The following DACH1 variants were observed in gnomAD, a reference collection of about 807,000 sequenced individuals.
DACH1 encodes the protein dachshund homolog 1.
A neutral mutation model predicts 54.2 loss-of-function variants in DACH1; 12 were observed. The observed-to-expected ratio is 0.22, with a 90% CI of 0.14 to 0.36. The LOEUF (loss-of-function observed/expected upper bound fraction) is 0.36, where lower values mean the gene tolerates loss of function less well. Among genes scored for constraint, DACH1 ranks in the 10% least tolerant of loss-of-function variants. DACH1 has a pLI of 1.00. For missense variants in DACH1, 805 were observed against 929.8 expected (o/e 0.87, Z 1.75); for synonymous variants, 386 against 366.2 (o/e 1.05, Z -0.62).
At chr13:71,864,184 C>T (rs796429026) in intron 1 of DACH1, among the ~76,000 whole-genome samples, 6 of 110,606 alleles carry the variant, frequency 5.4e-5, no homozygotes, top group African/African-American at 8.7e-5. Context: ...CGCACATACA[C>T]ACACACACAC....
intron 4 of DACH1, among the ~76,000 whole-genome samples, chr13:71,571,081 T>C (rs1885164090): frequency 6.6e-6 from 1 of 152,182 alleles, no homozygotes; most frequent in South Asian, 2.1e-4. Flanking sequence ...TAAAAGCTGC[T>C]CTTCTGTAAT....
chr13:71,666,444 A>AAAT (rs1403219559), intron 2 of DACH1, among the ~76,000 whole-genome samples: 1 of 152,202 alleles, frequency 6.6e-6, no homozygotes, highest in Non-Finnish European at 1.5e-5. Flanking sequence ...TGAGAATTAT[A>AAAT]AATTTGAATA....
At chr13:71,515,585 C>G (rs1190247568) in intron 6 of DACH1, among the ~76,000 whole-genome samples, 2 of 151,966 alleles carry the variant, frequency 1.3e-5, no homozygotes, top group East Asian at 3.9e-4. Context: ...CGGTGCAACC[C>G]TCCAACAATA....
chr13:71,442,736 A>C (rs1160706959), intron 10 of DACH1, among the ~76,000 whole-genome samples: 1 of 152,144 alleles, frequency 6.6e-6, no homozygotes, highest in Non-Finnish European at 1.5e-5. Flanking sequence ...TAATTTATAA[A>C]TTAGGCACAG....
intron 1 of DACH1, among the ~76,000 whole-genome samples, chr13:71,715,649 A>G (rs1433939562): frequency 6.6e-6 from 1 of 152,048 alleles, no homozygotes; most frequent in East Asian, 1.9e-4. Flanking sequence ...TCTATTGGTG[A>G]ACATAGAGTA....
intron 5 of DACH1, among the ~76,000 whole-genome samples, chr13:71,558,111 T>C (rs1244280540): frequency 1.3e-5 from 2 of 152,082 alleles, no homozygotes; most frequent in Non-Finnish European, 2.9e-5. Flanking sequence ...ATAATGCTCT[T>C]GTTTCTAGAA....
At chr13:71,612,157 G>A (rs1875380044) in intron 3 of DACH1, among the ~76,000 whole-genome samples, 1 of 152,038 alleles carries the variant, frequency 6.6e-6, no homozygotes, top group Non-Finnish European at 1.5e-5. Flanking sequence ...TCTCCATAGT[G>A]TTATGAGTTA....
intron 1 of DACH1, among the ~76,000 whole-genome samples, chr13:71,798,354 A>ATATG (rs1353585500): frequency 8.0e-6 from 1 of 124,286 alleles, no homozygotes; most frequent in Non-Finnish European, 1.6e-5. Flanking sequence ...ATATATATAT[A>ATATG]TATATATATC....
intron 1 of DACH1, among the ~76,000 whole-genome samples, chr13:71,844,029 G>C (rs959005940): frequency 3.3e-5 from 5 of 152,118 alleles, no homozygotes; most frequent in Middle Eastern, 6.3e-3. Flanking sequence ...GAAGTCTCTA[G>C]GGGAAATGAA....
intron 2 of DACH1, among the ~76,000 whole-genome samples, chr13:71,679,052 A>G (rs1880738104): frequency 1.3e-5 from 2 of 152,054 alleles, no homozygotes; most frequent in Admixed American, 1.3e-4. Context: ...TTTTTTCGAT[A>G]TAATGCTTAG....
At chr13:71,538,084 C>T (rs1180571357) in intron 6 of DACH1, among the ~76,000 whole-genome samples, 1 of 152,074 alleles carries the variant, frequency 6.6e-6, no homozygotes, top group Non-Finnish European at 1.5e-5. Context: ...CTGCATCTCA[C>T]ATTACACTAT....
intron 1 of DACH1, among the ~76,000 whole-genome samples, chr13:71,705,443 A>G (rs199650779): frequency 6.6e-6 from 1 of 152,210 alleles, no homozygotes; most frequent in African/African-American, 2.4e-5. Flanking sequence ...GCACTTGCTT[A>G]TAAGTAGATA....
At chr13:71,560,906 C>G (rs1884542473) in intron 4 of DACH1, among the ~76,000 whole-genome samples, 1 of 151,880 alleles carries the variant, frequency 6.6e-6, no homozygotes, top group South Asian at 2.1e-4. Context: ...TGGAAGAAAA[C>G]TATATAAAGT....
At chr13:71,658,366 A>G (rs1594059401) in intron 2 of DACH1, among the ~76,000 whole-genome samples, 2 of 152,178 alleles carry the variant, frequency 1.3e-5, no homozygotes, top group South Asian at 2.1e-4. Context: ...CCTGGCCAAC[A>G]TGGTGAAACC....
intron 3 of DACH1, among the ~76,000 whole-genome samples, chr13:71,579,096 A>C (rs1885708245): frequency 6.6e-6 from 1 of 152,158 alleles, no homozygotes; most frequent in African/African-American, 2.4e-5. Flanking sequence ...ATAGTTAATT[A>C]GGAATGTGAA....
At chr13:71,617,895 G>T (rs1188591445) in intron 3 of DACH1, among the ~76,000 whole-genome samples, 1 of 152,040 alleles carries the variant, frequency 6.6e-6, no homozygotes, top group Non-Finnish European at 1.5e-5. Flanking sequence ...AAAATACTTA[G>T]CAGTAGCCTT....
intron 1 of DACH1, among the ~76,000 whole-genome samples, chr13:71,775,079 G>A (rs1055959814): frequency 7.3e-6 from 1 of 137,192 alleles, no homozygotes; most frequent in Non-Finnish European, 1.5e-5. Context: ...GAGGCCAGAA[G>A]TTCGAGACCA....
rs1180656484 is a variant in DACH1 at position 71,608,458 on chromosome 13, A to G, written c.1126+22098T>C. On this transcript the variant is annotated intron_variant, in intron 3 of 10. Transcript: ENST00000613252. ...GCTTCTGACCTTACTAGACTATCAT[A>G]CCAATAGTCTGGTGAAGGTTTCACT... is the stretch of plus-strand genomic sequence containing the variant. 5.3e-5 allele frequency among the ~76,000 whole-genome samples: 8 copies of G among 152,064 alleles called. No individual in the cohort carries two copies. The South Asian group carries it at 6.2e-4, about 12-fold the overall frequency.
At chr13:71,650,458 T>C (rs1190862456) in intron 2 of DACH1, among the ~76,000 whole-genome samples, 1 of 152,154 alleles carries the variant, frequency 6.6e-6, no homozygotes, top group Non-Finnish European at 1.5e-5. Flanking sequence ...ATAAATATAA[T>C]TTACTGAATA....
Sources: gnomAD v4.1 joint callset for allele counts (sites outside exome capture counted in the v4.1 genomes callset) on GRCh38, gnomAD v4.1.1 for gene constraint, MANE v1.5 for transcripts, NCBI Gene and HGNC (gene_info 2026-07-23, HGNC 2026-07-21) for gene names.